The following TMEM116 variants were observed in gnomAD, a reference collection of about 807,000 sequenced individuals.
The protein encoded by TMEM116 is transmembrane protein 116.
A neutral mutation model predicts 44.3 loss-of-function variants in TMEM116; 38 were observed. The observed-to-expected ratio is 0.86, with a 90% CI of 0.66 to 1.12. The LOEUF (loss-of-function observed/expected upper bound fraction) is 1.12, where lower values mean the gene tolerates loss of function less well. Among genes scored for constraint, TMEM116 ranks in the 50% most tolerant of loss-of-function variants. The pLI, the probability that TMEM116 is intolerant of heterozygous loss-of-function variation, is 0.00. For synonymous variants in TMEM116, 132 were observed against 144.8 expected (o/e 0.91, Z 0.64); for missense variants, 354 against 401.7 (o/e 0.88, Z 1.01).
At chr12:111,940,187 C>T (rs1034310313) in intron 5 of TMEM116, among the ~76,000 whole-genome samples, 30 of 151,652 alleles carry the variant, frequency 2.0e-4, no homozygotes, top group Admixed American at 2.0e-3. Flanking sequence ...GCAGGAGGAT[C>T]GCTTGAACCT....
At chr12:111,997,576 C>A (rs991971825) in intron 3 of TMEM116, among the ~76,000 whole-genome samples, 2 of 151,734 alleles carry the variant, frequency 1.3e-5, no homozygotes, top group Non-Finnish European at 2.9e-5. Flanking sequence ...CAAAAACAAA[C>A]AAACAAAAAA....
chr12:111,934,697 G>GTA (rs1278601150), intron 8 of TMEM116: 1 of 151,960 alleles, frequency 6.6e-6, no homozygotes, highest in Non-Finnish European at 1.5e-5. Context: ...GGCAGAGGTT[G>GTA]TAGTGAGCTG....
At chr12:111,954,359 C>A (rs1247424090) in intron 4 of TMEM116, among the ~76,000 whole-genome samples, 1 of 152,078 alleles carries the variant, frequency 6.6e-6, no homozygotes, top group Non-Finnish European at 1.5e-5. Context: ...AGAAAGTAAT[C>A]GATCAGTAAG....
At chr12:111,990,656 T>C (rs933037688) in intron 4 of TMEM116, among the ~76,000 whole-genome samples, 1 of 152,244 alleles carries the variant, frequency 6.6e-6, no homozygotes, top group Non-Finnish European at 1.5e-5. Context: ...GAGCATAGGC[T>C]GCATTTAAAC....
chr12:111,935,950 C>A (rs1476555890), intron 8 of TMEM116: 1 of 152,120 alleles, frequency 6.6e-6, no homozygotes, highest in Non-Finnish European at 1.5e-5. Context: ...CAAACCAAGC[C>A]ATCTCTATAA....
intron 4 of TMEM116, among the ~76,000 whole-genome samples, chr12:111,981,726 C>T (rs2075953611): frequency 6.6e-6 from 1 of 152,134 alleles, no homozygotes; most frequent in African/African-American, 2.4e-5. Context: ...GAAATAAGAA[C>T]TCTGAAAGAA....
chr12:111,940,318 A>G (rs1275334474), intron 5 of TMEM116, among the ~76,000 whole-genome samples: 2 of 150,148 alleles, frequency 1.3e-5, no homozygotes, highest in Non-Finnish European at 3.0e-5. Flanking sequence ...TTCTTCATAT[A>G]TATATATCTA....
intron 4 of TMEM116, among the ~76,000 whole-genome samples, chr12:111,964,864 A>ATT (rs111711488): frequency 1.3e-5 from 2 of 151,782 alleles, no homozygotes; most frequent in East Asian, 1.9e-4. Context: ...ATTTAAAAAA[A>ATT]ATTTTTTTGT....
Position 111,961,014 on chromosome 12 carries a change from T to A in TMEM116, c.211-17645A>T, listed in dbSNP as rs562999501. Among the ~76,000 whole-genome samples, 4 of 152,178 alleles carry A rather than the reference T, an allele frequency of 2.6e-5. No homozygotes were observed. The East Asian group carries it at 7.7e-4, about 29-fold the overall frequency. On this transcript the variant is annotated intron_variant, in intron 4 of 10. Coordinates refer to ENST00000552374, the MANE Select transcript of TMEM116 (RefSeq NM_001193531.2). Reference sequence around the variant, plus strand: ...GATGTCACCACTGATCCCACAGAAATACAAACTACCATCAGAGAATACTAT... The same window carrying A: ...GATGTCACCACTGATCCCACAGAAAAACAAACTACCATCAGAGAATACTAT...
intron 4 of TMEM116, among the ~76,000 whole-genome samples, chr12:111,960,972 T>TA (rs2074550338): frequency 6.6e-6 from 1 of 151,950 alleles, no homozygotes; most frequent in Admixed American, 6.6e-5. Context: ...ATAGACACAG[T>TA]AAAAAATGAT....
chr12:111,945,996 T>G (rs1165420839), intron 4 of TMEM116, among the ~76,000 whole-genome samples: 2 of 152,226 alleles, frequency 1.3e-5, no homozygotes, highest in Non-Finnish European at 2.9e-5. Context: ...ATGTTTAAGT[T>G]AGGCTAGGCA....
rs1157016032 is a variant in TMEM116 at position 111,968,690 on chromosome 12, AT to A, written c.210+23067del. On this transcript the variant is annotated intron_variant, in intron 4 of 10. Transcript: ENST00000552374. ...CAGTAAGTTGAGACATTGGAGAAAT[AT>A]TTTTTAAAAACATCTATATTAGGCC... is the stretch of plus-strand genomic sequence containing the variant. Among the ~76,000 whole-genome samples the A allele has an allele frequency of 2.0e-5, 3 of 152,320 alleles. No individual in the cohort carries two copies. In the South Asian group the frequency reaches 6.2e-4, roughly 32 times the overall value.
chr12:111,949,253 T>C (rs944427270), intron 4 of TMEM116, among the ~76,000 whole-genome samples: 1 of 152,200 alleles, frequency 6.6e-6, no homozygotes, highest in South Asian at 2.1e-4. Context: ...TCTCCCTACT[T>C]GATCCCTTCA....
intron 4 of TMEM116, among the ~76,000 whole-genome samples, chr12:111,972,161 A>T (rs912501503): frequency 1.3e-5 from 2 of 151,840 alleles, no homozygotes; most frequent in African/African-American, 4.8e-5. Context: ...AAAAATAAAG[A>T]TATTAAAATA....
chr12:111,967,851 A>G (rs995316214), intron 4 of TMEM116, among the ~76,000 whole-genome samples: 2 of 152,252 alleles, frequency 1.3e-5, no homozygotes, highest in Non-Finnish European at 2.9e-5. Context: ...GACACCAGAC[A>G]TCAGACAACA....
At chr12:111,940,729 TA>T (rs901140106) in intron 5 of TMEM116, among the ~76,000 whole-genome samples, 4 of 152,038 alleles carry the variant, frequency 2.6e-5, no homozygotes, top group African/African-American at 9.7e-5. Context: ...TTCTTTCAAA[TA>T]TTTTTTTGTT....
intron 4 of TMEM116, among the ~76,000 whole-genome samples, chr12:111,962,445 T>C (rs939892895): frequency 2.0e-5 from 3 of 152,188 alleles, no homozygotes; most frequent in Admixed American, 6.5e-5. Context: ...AAAAACAGCA[T>C]GGTACTGGTA....
At chr12:112,003,937 G>GT (rs984051117) in intron 2 of TMEM116, 74 bp from the exon 3 acceptor site, 253 of 1,409,394 alleles carry the variant, frequency 1.8e-4, no homozygotes, top group Middle Eastern at 3.7e-4. Flanking sequence ...TTAATTTTGG[G>GT]TTTTTTTTAC....
Position 111,931,650 on chromosome 12 carries a change from A to T in TMEM116, c.985T>A (p.Phe329Ile). The change falls in exon 11 of 11, where the codon TTT becomes ATT. Residue 329 changes from phenylalanine to isoleucine, a missense_variant. By Grantham distance (21) the Phe-to-Ile change is conservative. Transcript: ENST00000552374. ...AAAATGGTAGAAGTACTGGCAGGAAAAGTCAGGGTGGATTCCAGTGAATTT... is the reference window on the plus strand; with the variant it reads ...AAAATGGTAGAAGTACTGGCAGGAATAGTCAGGGTGGATTCCAGTGAATTT... The part of the protein sequence containing the change: ...GLNSLESTLT[F>I]PASTSTIF 1 of 1,614,224 alleles carries T rather than the reference A, an allele frequency of 6.2e-7. No homozygotes were observed. The highest frequency in any genetic ancestry group is 8.5e-7 in the Non-Finnish European group (1 of 1,180,032).
Sources: allele counts gnomAD v4.1 joint callset (sites outside exome capture counted in the v4.1 genomes callset), GRCh38; gene constraint gnomAD v4.1.1; transcripts MANE v1.5; gene names NCBI Gene and HGNC (gene_info 2026-07-23, HGNC 2026-07-21).